PTTG1IP2: variants seen among roughly 807,000 people sequenced by gnomAD.
PTTG1IP2 encodes PTTG1IP family member 2.
intron 2 of PTTG1IP2, among the ~76,000 whole-genome samples, chr7:90,483,236 T>C (rs1797833653): frequency 6.6e-6 from 1 of 152,156 alleles, no homozygotes; most frequent in Admixed American, 6.6e-5. Flanking sequence ...GTTGGCATGA[T>C]CCTCCTTTCA....
At chr7:90,501,534 G>A (rs1053131463) in intron 6 of PTTG1IP2, among the ~76,000 whole-genome samples, 2 of 152,058 alleles carry the variant, frequency 1.3e-5, no homozygotes, top group Non-Finnish European at 2.9e-5. Context: ...GCCAGACATG[G>A]TGGTGTGCAC....
intron 1 of PTTG1IP2, among the ~76,000 whole-genome samples, chr7:90,473,492 G>A (rs890102535): frequency 1.3e-5 from 2 of 152,182 alleles, no homozygotes; most frequent in Non-Finnish European, 2.9e-5. Flanking sequence ...AATGGGGAAG[G>A]AGCAAACCCT....
chr7:90,471,297 G>A (rs978797424), intron 1 of PTTG1IP2, among the ~76,000 whole-genome samples: 1 of 152,124 alleles, frequency 6.6e-6, no homozygotes, highest in African/African-American at 2.4e-5. Context: ...GTCCCAGATT[G>A]TGCCCTAAGT....
chr7:90,490,797 G>A (rs1415924524), intron 4 of PTTG1IP2, among the ~76,000 whole-genome samples: 1 of 151,992 alleles, frequency 6.6e-6, no homozygotes, highest in Non-Finnish European at 1.5e-5. Context: ...TAAGAGTAGG[G>A]GCCTGAGCAA....
chr7:90,473,390 A>T (rs920535613), intron 1 of PTTG1IP2, among the ~76,000 whole-genome samples: 11 of 152,150 alleles, frequency 7.2e-5, no homozygotes, highest in African/African-American at 2.7e-4. Context: ...TGAGGCTAGC[A>T]AGGAAGGAGG....
chr7:90,483,942 A>T (rs1234550878), intron 2 of PTTG1IP2, among the ~76,000 whole-genome samples: 1 of 152,098 alleles, frequency 6.6e-6, no homozygotes, highest in Non-Finnish European at 1.5e-5. Context: ...CACAACCTGC[A>T]TATAAAGAAA....
intron 6 of PTTG1IP2, among the ~76,000 whole-genome samples, chr7:90,502,059 CT>C (rs1798066880): frequency 6.6e-6 from 1 of 152,216 alleles, no homozygotes; most frequent in South Asian, 2.1e-4. Flanking sequence ...CAAGAAACTA[CT>C]TTCTTTGCTC....
chr7:90,489,332 G>T (rs562743822), intron 4 of PTTG1IP2, among the ~76,000 whole-genome samples: 82 of 151,628 alleles, frequency 5.4e-4, no homozygotes, highest in Non-Finnish European at 1.1e-3. Context: ...AATTTATCTT[G>T]CACTATACAC....
intron 6 of PTTG1IP2, among the ~76,000 whole-genome samples, chr7:90,496,603 TATTTTA>T (rs1797994590): frequency 6.6e-6 from 1 of 152,104 alleles, no homozygotes; most frequent in South Asian, 2.1e-4. Context: ...GTTAATTTTT[TATTTTA>T]ATTTTAATTT....
intron 1 of PTTG1IP2, among the ~76,000 whole-genome samples, chr7:90,476,469 TAGAA>T (rs145726613): frequency 0.038 from 5,706 of 152,154 alleles, 220 homozygotes; most frequent in East Asian, 0.12. Flanking sequence ...TAAATGATGA[TAGAA>T]AGATGCATAT....
chr7:90,481,112 C>A, intron 2 of PTTG1IP2, among the ~76,000 whole-genome samples: 1 of 152,114 alleles, frequency 6.6e-6, no homozygotes, highest in South Asian at 2.1e-4. Flanking sequence ...ATGATATTAG[C>A]AATGATCCTT....
intron 6 of PTTG1IP2, 53 bp from the exon 7 acceptor site, chr7:90,513,223 TGA>T (rs1389448932): frequency 1.3e-5 from 2 of 152,628 alleles, no homozygotes; most frequent in African/African-American, 2.4e-5. Flanking sequence ...AGGTGAAACT[TGA>T]GAGTTAGCAC....
At position 90,494,136 on chromosome 7, in the gene PTTG1IP2, G is replaced by A. The variant is rs527971384; in HGVS notation, c.452-231G>A. On this transcript the variant is annotated intron_variant, in intron 5 of 6. Coordinates refer to ENST00000509356, the MANE Select transcript of PTTG1IP2 (RefSeq NM_001365443.2). ...GCTTTTCTGTCACTGGAGACAACTA[G>A]TCTTGTGGTCACCATCAAATATCTG... 3 of 152,158 alleles carry A rather than the reference G, an allele frequency of 2.0e-5. No homozygotes were observed. The South Asian group carries it at 6.2e-4, about 32-fold the overall frequency. The allele number at this position is 152,158 out of a possible 1,614,324, so 9.4% of individuals were successfully genotyped here. A position where few individuals can be genotyped will look rare whatever the true frequency, so the allele number is the denominator to read the frequency against.
At chr7:90,501,212 G>A (rs1417473548) in intron 6 of PTTG1IP2, among the ~76,000 whole-genome samples, 2 of 152,096 alleles carry the variant, frequency 1.3e-5, no homozygotes, top group African/African-American at 4.8e-5. Context: ...GGAGATACAG[G>A]CAGGTTTGGT....
chr7:90,504,709 A>G (rs1045970225), intron 6 of PTTG1IP2, among the ~76,000 whole-genome samples: 3 of 152,310 alleles, frequency 2.0e-5, no homozygotes, highest in Admixed American at 2.0e-4. Context: ...CTGACTTGCA[A>G]CAGATTTTTA....
intron 6 of PTTG1IP2, among the ~76,000 whole-genome samples, chr7:90,498,197 T>C (rs1798019530): frequency 6.6e-6 from 1 of 152,166 alleles, no homozygotes. Context: ...GGCTAATTTT[T>C]TGTATTTTTA....
In PTTG1IP2 at chr7:90,508,641, A is replaced by G. The variant is rs1238644657; in HGVS notation, c.*51-4637A>G. 3.9e-5 allele frequency among the ~76,000 whole-genome samples: 6 copies of G among 152,346 alleles called. No individual in the cohort carries two copies. The South Asian group carries it at 1.0e-3, about 26-fold the overall frequency. On this transcript the variant is annotated intron_variant, in intron 6 of 6. Transcript: ENST00000509356. ...CTGACACTTTTTGGGCATTTATAAT[A>G]TTCTGGGCACTGTTCTAAGGACTTT...
chr7:90,485,953 C>G (rs1420596947), intron 2 of PTTG1IP2, among the ~76,000 whole-genome samples: 3 of 152,170 alleles, frequency 2.0e-5, no homozygotes, highest in Non-Finnish European at 4.4e-5. Context: ...CTTTGCAGTT[C>G]CAGTCTTTCG....
intron 6 of PTTG1IP2, among the ~76,000 whole-genome samples, chr7:90,506,351 T>C (rs1039846739): frequency 6.6e-6 from 1 of 152,232 alleles, no homozygotes; most frequent in African/African-American, 2.4e-5. Flanking sequence ...ATATCTTAAG[T>C]ATTTTAATTA....
Sources: gnomAD v4.1 joint callset for allele counts (sites outside exome capture counted in the v4.1 genomes callset) on GRCh38, gnomAD v4.1.1 for gene constraint, MANE v1.5 for transcripts, NCBI Gene and HGNC (gene_info 2026-07-23, HGNC 2026-07-21) for gene names.